PALS1: variants seen among roughly 807,000 people sequenced by gnomAD.
PALS1 encodes protein PALS1.
A neutral mutation model predicts 78.9 loss-of-function variants in PALS1; 31 were observed. The observed-to-expected ratio is 0.39, with a 90% confidence interval of 0.30 to 0.53. The LOEUF (loss-of-function observed/expected upper bound fraction) is 0.53, where lower values mean the gene tolerates loss of function less well. Among genes scored for constraint, PALS1 ranks in the 20% least tolerant of loss-of-function variants. The pLI is 0.67. For synonymous variants in PALS1, 276 were observed against 270.9 expected (o/e 1.02, Z -0.18); for missense variants, 704 against 826.5 (o/e 0.85, Z 1.82).
chr14:67,309,958 G>A (rs1259743723), intron 8 of PALS1, among the ~76,000 whole-genome samples: 1 of 151,228 alleles, frequency 6.6e-6, no homozygotes, highest in Non-Finnish European at 1.5e-5. Flanking sequence ...TCCACTACAA[G>A]TGATGCCAAA....
intron 3 of PALS1, among the ~76,000 whole-genome samples, chr14:67,285,366 A>T (rs892263914): frequency 2.9e-5 from 4 of 137,850 alleles, no homozygotes; most frequent in Non-Finnish European, 3.1e-5. Flanking sequence ...CCTTAGGTAA[A>T]TTTTTTTTTT....
chr14:67,251,650 T>C (rs2084064760), intron 1 of PALS1, among the ~76,000 whole-genome samples: 1 of 152,234 alleles, frequency 6.6e-6, no homozygotes, highest in Admixed American at 6.5e-5. Flanking sequence ...TGTCAGCCCT[T>C]AATATGGCTG....
chr14:67,292,488 G>T, intron 3 of PALS1, 23 bp from the exon 4 acceptor site: 1 of 1,491,184 alleles, frequency 6.7e-7, no homozygotes. Flanking sequence ...TTAATTTTTG[G>T]ATACCTTTTC....
chr14:67,318,338 A>C (rs2085210262), intron 11 of PALS1, among the ~76,000 whole-genome samples: 1 of 147,656 alleles, frequency 6.8e-6, no homozygotes, highest in Non-Finnish European at 1.5e-5. Flanking sequence ...TTCTAAAATA[A>C]ATATCCTTTA....
intron 1 of PALS1, among the ~76,000 whole-genome samples, chr14:67,245,357 G>A (rs922791316): frequency 3.3e-5 from 5 of 152,028 alleles, no homozygotes; most frequent in Non-Finnish European, 7.4e-5. Context: ...GTAGTATCTC[G>A]TTGGGATTTT....
At position 67,296,339 on chromosome 14, in the gene PALS1, G is replaced by A. The variant is rs756088582; in HGVS notation, c.576+3620G>A. Among the ~76,000 whole-genome samples, 52 of 152,080 alleles carry A rather than the reference G, an allele frequency of 3.4e-4. 1 individual carries two copies. Among genetic ancestry groups the A allele is most frequent in the Admixed American group, 2.4e-3 (37 of 15,280 alleles). Reference sequence around the variant, plus strand: ...CCAGACGCCGGATGCAGTGGCTCACGCCTGTAATCCCAGCATTTTGGGAGG... The same window carrying A: ...CCAGACGCCGGATGCAGTGGCTCACACCTGTAATCCCAGCATTTTGGGAGG... On this transcript the variant is annotated intron_variant, in intron 4 of 14. Transcript: ENST00000261681.
At chr14:67,266,264 G>A (rs2084321703) in intron 1 of PALS1, among the ~76,000 whole-genome samples, 1 of 152,102 alleles carries the variant, frequency 6.6e-6, no homozygotes, top group Non-Finnish European at 1.5e-5. Flanking sequence ...CTTTATTTTT[G>A]TTTAGGTTGT....
chr14:67,259,784 C>T (rs2084205886), intron 1 of PALS1, among the ~76,000 whole-genome samples: 1 of 151,294 alleles, frequency 6.6e-6, no homozygotes, highest in African/African-American at 2.4e-5. Context: ...TGGTGCCATG[C>T]GCCTGTAGTC....
chr14:67,332,765 A>G lies in PALS1; in HGVS notation c.1852-15A>G. ...GGAAAGGAATTATCTCACAGTTTTT[A>G]TCTTCTGTTTGCAGCCTGAAGAGTT... On this transcript the variant is annotated splice_polypyrimidine_tract_variant and intron_variant, in intron 14 of 14. Transcript: ENST00000261681. The G allele has an allele frequency of 1.3e-6, 2 of 1,596,896 alleles. No individual in the cohort carries two copies. Among genetic ancestry groups the G allele is most frequent in the Non-Finnish European group, 1.7e-6 (2 of 1,168,392 alleles).
At position 67,312,606 on chromosome 14, in the gene PALS1, A is replaced by T. The variant is rs374535044; in HGVS notation, c.1121A>T (p.Gln374Leu). The T allele has an allele frequency of 3.1e-6, 5 of 1,613,762 alleles. No individual in the cohort carries two copies. In the East Asian group the frequency reaches 1.1e-4, roughly 36 times the overall value. ...TGTCGAGAGTTAGGTCTGTCTTTTC[A>T]AAAAGGTGATATACTTCATGTGATC... is the stretch of plus-strand genomic sequence containing the variant. ...VPCRELGLSFQKGDILHVISQ... is the reference protein window; with the variant it reads ...VPCRELGLSFLKGDILHVISQ... Residue 374 changes from glutamine to leucine, a missense_variant, in exon 9 of 15, where the codon CAA becomes CTA. Coordinates refer to ENST00000261681, the MANE Select transcript of PALS1 (RefSeq NM_022474.4).
intron 4 of PALS1, among the ~76,000 whole-genome samples, chr14:67,299,770 A>G (rs569074123): frequency 4.6e-4 from 70 of 152,210 alleles, no homozygotes; most frequent in Non-Finnish European, 3.2e-4. Flanking sequence ...AGAGATGTTT[A>G]GGAACTGACT....
chr14:67,295,943 AAACCTAGATGTTTGTC>A (rs2084841615), intron 4 of PALS1, among the ~76,000 whole-genome samples: 2 of 152,214 alleles, frequency 1.3e-5, no homozygotes, highest in Non-Finnish European at 2.9e-5. Context: ...AAACCAAAAA[AAACCTAGATGTTTGTC>A]AACCTGTGAA....
chr14:67,321,305 C>T, intron 13 of PALS1, 46 bp downstream of exon 13: 2 of 1,574,032 alleles, frequency 1.3e-6, no homozygotes, highest in Middle Eastern at 1.7e-4. Flanking sequence ...GAAGGAATGT[C>T]ATATAGAGTA....
chr14:67,256,321 T>G (rs1030322434), intron 1 of PALS1, among the ~76,000 whole-genome samples: 1 of 152,210 alleles, frequency 6.6e-6, no homozygotes, highest in African/African-American at 2.4e-5. Context: ...CACTTGCGTT[T>G]GTTTCATGTC....
chr14:67,321,566 C>G (rs2085265402), intron 13 of PALS1, among the ~76,000 whole-genome samples: 2 of 152,166 alleles, frequency 1.3e-5, no homozygotes, highest in African/African-American at 4.8e-5. Context: ...AATGAGCTAT[C>G]TTGAGGATAG....
intron 1 of PALS1, among the ~76,000 whole-genome samples, chr14:67,243,455 T>TG (rs2083936210): frequency 6.6e-6 from 1 of 150,786 alleles, no homozygotes; most frequent in African/African-American, 2.4e-5. Flanking sequence ...CCTGAAATGC[T>TG]GGGATTACAG....
intron 1 of PALS1, among the ~76,000 whole-genome samples, chr14:67,243,270 T>A (rs1458035188): frequency 6.6e-6 from 1 of 151,764 alleles, no homozygotes; most frequent in East Asian, 1.9e-4. Flanking sequence ...CACTGCAGTC[T>A]CCACCTCCCT....
At chr14:67,242,981 T>G (rs1432788301) in intron 1 of PALS1, among the ~76,000 whole-genome samples, 1 of 152,142 alleles carries the variant, frequency 6.6e-6, no homozygotes, top group East Asian at 1.9e-4. Context: ...TGATTTTGAT[T>G]AAAAATCTCA....
At chr14:67,320,126 T>G in intron 11 of PALS1, 104 bp from the exon 12 acceptor site, 1 of 987,286 alleles carries the variant, frequency 1.0e-6, no homozygotes, top group Non-Finnish European at 1.4e-6. Context: ...GTAATGACAA[T>G]AAATTGTGCT....
Sources: gnomAD v4.1 joint callset for allele counts (sites outside exome capture counted in the v4.1 genomes callset) on GRCh38, gnomAD v4.1.1 for gene constraint, MANE v1.5 for transcripts, NCBI Gene and HGNC (gene_info 2026-07-23, HGNC 2026-07-21) for gene names.